Variants in ADGRL2 observed in about 807,000 individuals in gnomAD.
The protein encoded by ADGRL2 is adhesion G protein-coupled receptor L2.
Under a neutral mutation model 157.4 loss-of-function variants are expected in ADGRL2, and 44 were observed. The observed-to-expected ratio is 0.28, with a 90% CI of 0.22 to 0.36. The LOEUF is 0.36. ADGRL2 is among the 10% of genes least tolerant of loss of function. ADGRL2 has a pLI of 1.00. For synonymous variants in ADGRL2, 585 were observed against 624.7 expected, an observed-to-expected ratio of 0.94 and a Z score of 0.95; for missense variants, 1,510 against 1,768.9, an observed-to-expected ratio of 0.85 and a Z score of 2.63.
intron 2 of ADGRL2, among the ~76,000 whole-genome samples, chr1:81,522,891 A>G (rs867191743): frequency 2.8e-4 from 43 of 152,270 alleles, no homozygotes; most frequent in East Asian, 7.7e-4. Flanking sequence ...TTAGTAATTT[A>G]TTTACATTCA....
At chr1:81,901,980 G>A (rs930043137) in intron 2 of ADGRL2, among the ~76,000 whole-genome samples, 2 of 152,266 alleles carry the variant, frequency 1.3e-5, no homozygotes, top group East Asian at 1.9e-4. Flanking sequence ...TGCCCAAGGC[G>A]GTTGGGCTAC....
At chr1:81,605,247 A>G (rs2081410015) in intron 3 of ADGRL2, among the ~76,000 whole-genome samples, 1 of 152,158 alleles carries the variant, frequency 6.6e-6, no homozygotes, top group Admixed American at 6.5e-5. Context: ...GCTTAATTAC[A>G]AGGCTGAATT....
At chr1:81,898,098 G>A (rs950673803) in intron 2 of ADGRL2, among the ~76,000 whole-genome samples, 20 of 152,210 alleles carry the variant, frequency 1.3e-4, no homozygotes, top group African/African-American at 4.6e-4. Flanking sequence ...AACAGAGTGA[G>A]ACTCTCTCCC....
chr1:81,878,093 C>T (rs17468777), intron 2 of ADGRL2, among the ~76,000 whole-genome samples: 3,691 of 152,164 alleles, frequency 0.024, 60 homozygotes, highest in Non-Finnish European at 0.034. Context: ...ACTACAGTTT[C>T]GTGAGTTTAG....
chr1:81,804,349 C>G (rs78315878), intron 1 of ADGRL2, among the ~76,000 whole-genome samples: 2,004 of 152,272 alleles, frequency 0.013, 33 homozygotes, highest in East Asian at 0.055. Context: ...AAAGAGGTGC[C>G]ATTTCACATC....
At chr1:81,922,508 G>A (rs1323642088) in intron 3 of ADGRL2, among the ~76,000 whole-genome samples, 5 of 152,076 alleles carry the variant, frequency 3.3e-5, no homozygotes, top group Admixed American at 2.0e-4. Context: ...TATTAACTCC[G>A]AAACAGTAAG....
chr1:81,648,910 C>A (rs1361892090), intron 3 of ADGRL2, among the ~76,000 whole-genome samples: 4 of 152,160 alleles, frequency 2.6e-5, no homozygotes. Context: ...CAAGTGTCTA[C>A]CTTCAGAGTC....
At chr1:81,503,904 C>A (rs539732043) in intron 2 of ADGRL2, among the ~76,000 whole-genome samples, 8 of 152,224 alleles carry the variant, frequency 5.3e-5, no homozygotes, top group Non-Finnish European at 8.8e-5. Flanking sequence ...GTTTTTAAGT[C>A]CCATGTGGGG....
intron 3 of ADGRL2, among the ~76,000 whole-genome samples, chr1:81,636,807 A>G (rs1432269022): frequency 3.9e-5 from 6 of 152,200 alleles, no homozygotes; most frequent in South Asian, 2.1e-4. Flanking sequence ...CTCTTCTTCA[A>G]AATTTATTTG....
chr1:81,438,228 G>C (rs1404983010), intron 1 of ADGRL2, among the ~76,000 whole-genome samples: 1 of 152,058 alleles, frequency 6.6e-6, no homozygotes, highest in Non-Finnish European at 1.5e-5. Flanking sequence ...TGGAGTTCTG[G>C]CTCCAGCTTA....
intron 17 of ADGRL2, among the ~76,000 whole-genome samples, chr1:81,978,215 T>C (rs1660719796): frequency 6.6e-6 from 1 of 151,686 alleles, no homozygotes; most frequent in African/African-American, 2.4e-5. Context: ...AAATTGTGTC[T>C]TACCTCATCC....
intron 2 of ADGRL2, among the ~76,000 whole-genome samples, chr1:81,772,527 G>A (rs1025070977): frequency 6.6e-6 from 1 of 151,886 alleles, no homozygotes; most frequent in African/African-American, 2.4e-5. Flanking sequence ...TCAGGAGTTC[G>A]AGACCAGCCT....
chr1:81,520,355 C>A (rs2079284081), intron 2 of ADGRL2, among the ~76,000 whole-genome samples: 1 of 152,048 alleles, frequency 6.6e-6, no homozygotes, highest in Non-Finnish European at 1.5e-5. Flanking sequence ...GACATAAAAA[C>A]ACCATCCCCG....
chr1:81,404,367 C>T lies in ADGRL2; in HGVS notation c.-301-40669C>T, dbSNP rs189367558. On this transcript the variant is annotated intron_variant, in intron 1 of 24. Coordinates refer to the ADGRL2 transcript ENST00000370721. ...TATTTTACAGTAAGCCTTTGTATAG[C>T]GTTTAGTATGTCCCAGATACTGTTC... 7.2e-5 allele frequency among the ~76,000 whole-genome samples: 11 copies of T among 152,210 alleles called. No homozygotes were observed. In the South Asian group the frequency reaches 1.0e-3, roughly 14 times the overall value.
intron 3 of ADGRL2, among the ~76,000 whole-genome samples, chr1:81,927,485 A>G (rs188877159): frequency 6.6e-6 from 1 of 152,038 alleles, no homozygotes; most frequent in African/African-American, 2.4e-5. Flanking sequence ...AATTGAATGT[A>G]ATAAAAATTA....
chr1:81,393,062 A>C (rs2076587345), intron 1 of ADGRL2, among the ~76,000 whole-genome samples: 1 of 152,242 alleles, frequency 6.6e-6, no homozygotes, highest in South Asian at 2.1e-4. Flanking sequence ...GATGTTTCCA[A>C]ATGGTTATAA....
intron 1 of ADGRL2, chr1:81,722,771 G>T (rs1320817115): frequency 5.1e-6 from 4 of 780,534 alleles, no homozygotes; most frequent in Non-Finnish European, 8.9e-6. Flanking sequence ...GAGCATGAGA[G>T]AGCCCGGAGG....
chr1:81,368,509 A>G (rs1211712211), intron 1 of ADGRL2, among the ~76,000 whole-genome samples: 1 of 152,040 alleles, frequency 6.6e-6, no homozygotes, highest in Admixed American at 6.6e-5. Flanking sequence ...CCTCATTCAT[A>G]TTTGCCATGT....
chr1:81,577,140 T>A (rs753352396), intron 2 of ADGRL2, among the ~76,000 whole-genome samples: 3 of 152,110 alleles, frequency 2.0e-5, no homozygotes, highest in Non-Finnish European at 4.4e-5. Context: ...TCTTTGGACT[T>A]GTCATTTGTG....
Sources: allele counts gnomAD v4.1 joint callset (sites outside exome capture counted in the v4.1 genomes callset), GRCh38; gene constraint gnomAD v4.1.1; transcripts MANE v1.5; gene names NCBI Gene and HGNC (gene_info 2026-07-23, HGNC 2026-07-21).